Variants in STK33 observed in about 807,000 individuals in gnomAD.
STK33 encodes serine/threonine-protein kinase 33.
A neutral mutation model predicts 58.0 loss-of-function variants in STK33; 52 were observed. The observed-to-expected ratio is 0.90, with a 90% confidence interval of 0.72 to 1.13. STK33 has a LOEUF of 1.13. Among genes scored for constraint, STK33 ranks in the 50% most tolerant of loss-of-function variants. The pLI is 0.00. For synonymous variants in STK33, 215 were observed against 200.1 expected, an observed-to-expected ratio of 1.07 and a Z score of -0.63; for missense variants, 630 against 604.2, an observed-to-expected ratio of 1.04 and a Z score of -0.45.
At chr11:8,499,649 T>C (rs972577796) in intron 1 of STK33, among the ~76,000 whole-genome samples, 1 of 152,142 alleles carries the variant, frequency 6.6e-6, no homozygotes, top group Non-Finnish European at 1.5e-5. Context: ...CTATTCACAA[T>C]AGCAAAGACT....
chr11:8,376,598 G>A, the STK33 span, among the ~76,000 whole-genome samples: 1 of 151,744 alleles, frequency 6.6e-6, no homozygotes, highest in Non-Finnish European at 1.5e-5. Context: ...CTGGAGTGCA[G>A]TGGCATGATC....
At chr11:8,456,854 T>C (rs964351083) in intron 9 of STK33, among the ~76,000 whole-genome samples, 1 of 152,214 alleles carries the variant, frequency 6.6e-6, no homozygotes, top group Non-Finnish European at 1.5e-5. Context: ...GACAATGATA[T>C]GTCAATGCAA....
At chr11:8,473,889 A>G (rs1183446927) in intron 5 of STK33, among the ~76,000 whole-genome samples, 1 of 152,122 alleles carries the variant, frequency 6.6e-6, no homozygotes, top group African/African-American at 2.4e-5. Context: ...AAAGATGAAT[A>G]TGGCTGGGCA....
rs74775636 is a variant in STK33 at position 8,454,661 on chromosome 11, A to G, written c.786+83T>C. 3,254 of 1,431,002 alleles carry G rather than the reference A, an allele frequency of 2.3e-3. 64 individuals are homozygous for G. The African/African-American group carries it at 0.042, about 19-fold the overall frequency. The allele number at this position is 1,431,002 out of a possible 1,614,324, so 88.6% of individuals were successfully genotyped here. On this transcript the variant is annotated intron_variant, in intron 10 of 15. Coordinates refer to ENST00000687296, the MANE Select transcript of STK33 (RefSeq NM_001352389.2). The stretch of plus-strand genomic sequence containing the variant: ...TTCTGGCTGCTCAAAAGCTAGCAAC[A>G]TGTGTCTAAAAAGAGGATGTACTTT...
At position 8,474,899 on chromosome 11, in the gene STK33, C is replaced by T; in HGVS notation, c.7G>A (p.Asp3Asn). Residue 3 changes from aspartate to asparagine, a missense_variant, in exon 5 of 16, where the codon GAT becomes AAT. Physicochemically the swap from Asp to Asn is conservative, Grantham distance 23. Transcript: ENST00000687296. MA[D>N]SGLDKKSTKC... ...GTGGATTTTTTATCTAAGCCACTATCAGCCATTTGTTTAACTCTGCAACAA... is the reference window on the plus strand; with the variant it reads ...GTGGATTTTTTATCTAAGCCACTATTAGCCATTTGTTTAACTCTGCAACAA... The T allele has an allele frequency of 6.3e-7, 1 of 1,582,460 alleles. No individual in the cohort carries two copies. Among genetic ancestry groups the T allele is most frequent in the Non-Finnish European group, 8.6e-7 (1 of 1,166,178 alleles).
chr11:8,497,094 T>C (rs777600461), intron 1 of STK33, among the ~76,000 whole-genome samples: 4 of 152,112 alleles, frequency 2.6e-5, no homozygotes, highest in Admixed American at 1.3e-4. Context: ...AAAAATAACA[T>C]AGATTCAGAG....
chr11:8,408,248 A>G (rs920600490), intron 15 of STK33, among the ~76,000 whole-genome samples: 7 of 152,224 alleles, frequency 4.6e-5, no homozygotes, highest in Admixed American at 4.6e-4. Flanking sequence ...TTGAAGCAAT[A>G]CTTGTTATAA....
chr11:8,433,427 T>C (rs58745256), intron 14 of STK33, among the ~76,000 whole-genome samples: 5,080 of 152,292 alleles, frequency 0.033, 139 homozygotes, highest in South Asian at 0.091. Context: ...TGTATTTTCT[T>C]CCTTATTTAT....
intron 1 of STK33, among the ~76,000 whole-genome samples, chr11:8,500,476 A>G (rs539496650): frequency 6.6e-6 from 1 of 152,290 alleles, no homozygotes; most frequent in South Asian, 2.1e-4. Flanking sequence ...AATTCAATCC[A>G]ATAGTATAAA....
chr11:8,522,237 A>G (rs1953522395), intron 1 of STK33, among the ~76,000 whole-genome samples: 1 of 152,230 alleles, frequency 6.6e-6, no homozygotes, highest in Non-Finnish European at 1.5e-5. Context: ...AATGTCCATC[A>G]ATGATTGACT....
intron 12 of STK33, among the ~76,000 whole-genome samples, chr11:8,437,761 G>C (rs1317866219): frequency 2.0e-5 from 3 of 152,092 alleles, no homozygotes; most frequent in African/African-American, 7.2e-5. Flanking sequence ...GGGAAAAGTT[G>C]CTTTCATCCT....
At chr11:8,496,575 T>C (rs2138936198) in intron 1 of STK33, among the ~76,000 whole-genome samples, 1 of 151,960 alleles carries the variant, frequency 6.6e-6, no homozygotes, top group African/African-American at 2.4e-5. Context: ...TGTGTGATAT[T>C]TCATTTTTTT....
At chr11:8,490,405 A>T (rs1488794041) in intron 1 of STK33, among the ~76,000 whole-genome samples, 3 of 152,110 alleles carry the variant, frequency 2.0e-5, no homozygotes, top group Non-Finnish European at 4.4e-5. Flanking sequence ...AGGTAAACAA[A>T]GCAGTCAGGG....
chr11:8,497,450 C>T (rs565248772), intron 1 of STK33, among the ~76,000 whole-genome samples: 6 of 152,286 alleles, frequency 3.9e-5, no homozygotes, highest in Non-Finnish European at 5.9e-5. Flanking sequence ...GAAGGAAATT[C>T]GATGACATGT....
At chr11:8,417,065 G>A (rs1023750591) in intron 14 of STK33, among the ~76,000 whole-genome samples, 6 of 152,132 alleles carry the variant, frequency 3.9e-5, no homozygotes, top group African/African-American at 1.2e-4. Flanking sequence ...CAAAACTGGG[G>A]CAGAACTGTT....
the STK33 span, among the ~76,000 whole-genome samples, chr11:8,347,648 A>G: frequency 3.9e-5 from 6 of 152,206 alleles, no homozygotes; most frequent in Non-Finnish European, 5.9e-5. Flanking sequence ...TTCTTATCAC[A>G]GCACACTGGC....
intron 1 of STK33, among the ~76,000 whole-genome samples, chr11:8,529,632 G>A (rs1211185803): frequency 5.3e-5 from 8 of 151,854 alleles, no homozygotes; most frequent in Admixed American, 5.2e-4. Flanking sequence ...ATCCCTATAA[G>A]GAGGGAAAAA....
chr11:8,474,827 C>A lies in STK33; in HGVS notation c.79G>T (p.Val27Leu). The change falls in exon 5 of 16, where the codon GTA becomes TTA. Residue 27 changes from valine (V) to leucine (L), a missense_variant. By Grantham distance (32) the Val-to-Leu change is conservative (BLOSUM62 1). Coordinates refer to ENST00000687296, the MANE Select transcript of STK33 (RefSeq NM_001352389.2). ...SSASQKDVLCVCSSKTRVPPV... is the reference protein window; with the variant it reads ...SSASQKDVLCLCSSKTRVPPV... The stretch of plus-strand genomic sequence containing the variant: ...GGAACCCTTGTTTTGCTGGAACATA[C>A]ACAAAGTACATCTTTCTGAGAAGCA... The A allele has an allele frequency of 6.2e-7, 1 of 1,612,676 alleles. No homozygotes were observed. The highest frequency in any genetic ancestry group is 8.5e-7 in the Non-Finnish European group (1 of 1,179,552).
At chr11:8,363,157 G>C in the STK33 span, among the ~76,000 whole-genome samples, 1 of 152,124 alleles carries the variant, frequency 6.6e-6, no homozygotes, top group East Asian at 1.9e-4. Flanking sequence ...CAGAGAGAGG[G>C]AAGGGCAACC....
Sources: gnomAD v4.1 joint callset for allele counts (sites outside exome capture counted in the v4.1 genomes callset) on GRCh38, gnomAD v4.1.1 for gene constraint, MANE v1.5 for transcripts, NCBI Gene and HGNC (gene_info 2026-07-23, HGNC 2026-07-21) for gene names.